SDK1: variants seen among roughly 807,000 people sequenced by gnomAD.
SDK1 encodes the protein protein sidekick-1.
A neutral mutation model predicts 245.5 loss-of-function variants in SDK1; 157 were observed. The ratio of observed to expected loss-of-function variants is 0.64; its 90% confidence interval spans 0.56 to 0.73. The LOEUF is 0.73. Ranked by LOEUF, SDK1 falls within the 30% of genes least tolerant of loss-of-function variation. The pLI is 0.00. For synonymous variants in SDK1, 1,647 were observed against 1,278.5 expected, an observed-to-expected ratio of 1.29 and a Z score of -6.15; for missense variants, 3,583 against 3,002.3, an observed-to-expected ratio of 1.19 and a Z score of -4.52.
intron 5 of SDK1, among the ~76,000 whole-genome samples, chr7:3,902,459 G>C (rs1379228685): frequency 6.6e-6 from 1 of 152,142 alleles, no homozygotes; most frequent in Non-Finnish European, 1.5e-5. Flanking sequence ...ATTTCCTTCT[G>C]GTTCTTCTTG....
Position 4,268,521 on chromosome 7 carries a change from C to T in SDK1, c.*3137C>T. 1.6e-6 allele frequency: 2 copies of T among 1,224,372 alleles called. No individual in the cohort carries two copies. The highest frequency in any genetic ancestry group is 2.1e-6 in the Non-Finnish European group (2 of 952,382). 75.8% of individuals were successfully genotyped at this position (1,224,372 alleles called of 1,614,324 possible). ...CCCAGGGAGAGGGGACCCAGATGGCCACACACGGAACGCGCCTCCACAGCC... is the reference window on the plus strand; with the variant it reads ...CCCAGGGAGAGGGGACCCAGATGGCTACACACGGAACGCGCCTCCACAGCC... On this transcript the variant is annotated 3_prime_UTR_variant, in exon 45 of 45. Coordinates refer to ENST00000404826, the MANE Select transcript of SDK1 (RefSeq NM_152744.4).
chr7:4,177,404 A>C (rs1313217166), intron 34 of SDK1, among the ~76,000 whole-genome samples: 1 of 152,210 alleles, frequency 6.6e-6, no homozygotes, highest in Non-Finnish European at 1.5e-5. Flanking sequence ...CCTGTCACTT[A>C]GTGCGGAGCT....
At chr7:3,527,254 T>C (rs1223669467) in intron 1 of SDK1, among the ~76,000 whole-genome samples, 1 of 152,194 alleles carries the variant, frequency 6.6e-6, no homozygotes, top group East Asian at 1.9e-4. Flanking sequence ...TAAGATGCCA[T>C]ATACAAATTA....
intron 22 of SDK1, among the ~76,000 whole-genome samples, chr7:4,087,323 T>A (rs1033743570): frequency 6.6e-6 from 1 of 152,208 alleles, no homozygotes; most frequent in African/African-American, 2.4e-5. Context: ...TCATACGCAC[T>A]TTGGTCTATT....
At position 4,267,300 on chromosome 7, in the gene SDK1, TCC is replaced by T. The variant is rs1788528811; in HGVS notation, c.*1918_*1919del. 2.4e-6 allele frequency: 1 copy of T among 421,206 alleles called. No homozygotes were observed. Among genetic ancestry groups the T allele is most frequent in the Non-Finnish European group, 3.0e-6 (1 of 329,712 alleles). 26.1% of individuals were successfully genotyped at this position (421,206 alleles called of 1,614,324 possible). A position where few individuals can be genotyped will look rare whatever the true frequency, so the allele number is the denominator to read the frequency against. ...TTCCTCTCTTTCCTCCTTCCTTCCC[TCC>T]CTTCTTTCCCTCCCTCCCTTCCTCT... is the stretch of plus-strand genomic sequence containing the variant. On this transcript the variant is annotated 3_prime_UTR_variant, in exon 45 of 45. Transcript: ENST00000404826.
chr7:4,148,942 G>C (rs868128172), intron 29 of SDK1, among the ~76,000 whole-genome samples: 1 of 152,218 alleles, frequency 6.6e-6, no homozygotes, highest in Non-Finnish European at 1.5e-5. Context: ...TGTAGTCCCA[G>C]CTACTCAGGA....
chr7:3,388,450 G>C (rs1028794603), intron 1 of SDK1, among the ~76,000 whole-genome samples: 2 of 151,504 alleles, frequency 1.3e-5, no homozygotes, highest in Non-Finnish European at 2.9e-5. Context: ...GCCCAGACTT[G>C]AGTGCAGTGG....
chr7:3,621,480 T>G (rs1781936379), intron 2 of SDK1, among the ~76,000 whole-genome samples: 1 of 152,228 alleles, frequency 6.6e-6, no homozygotes, highest in Non-Finnish European at 1.5e-5. Context: ...TTGTTCTTCC[T>G]AATAAGAAGT....
chr7:3,959,052 T>G (rs1285416629), intron 8 of SDK1, 38 bp downstream of exon 8: 1 of 1,495,900 alleles, frequency 6.7e-7, no homozygotes, highest in Non-Finnish European at 9.3e-7. Context: ...GAGCCATGAC[T>G]GGGAGGAAGG....
chr7:4,174,879 C>T (rs1324968134), intron 33 of SDK1, among the ~76,000 whole-genome samples: 1 of 152,208 alleles, frequency 6.6e-6, no homozygotes, highest in Non-Finnish European at 1.5e-5. Flanking sequence ...GGACGGCTGC[C>T]CTGCCCGTTC....
chr7:3,983,355 A>G (rs1199785241), intron 13 of SDK1, among the ~76,000 whole-genome samples: 3 of 152,144 alleles, frequency 2.0e-5, no homozygotes, highest in Admixed American at 2.0e-4. Context: ...GTTTGAAGAA[A>G]TTGCCACAGT....
At chr7:4,203,976 C>T (rs761687600) in intron 35 of SDK1, among the ~76,000 whole-genome samples, 1 of 152,216 alleles carries the variant, frequency 6.6e-6, no homozygotes, top group Admixed American at 6.5e-5. Flanking sequence ...GGCATGCGGG[C>T]CCCTAATTTA....
At chr7:4,184,828 C>T (rs532781368) in intron 35 of SDK1, among the ~76,000 whole-genome samples, 25 of 152,188 alleles carry the variant, frequency 1.6e-4, no homozygotes, top group Non-Finnish European at 3.2e-4. Flanking sequence ...CCTGGGACAG[C>T]TTCAGGCATG....
intron 5 of SDK1, among the ~76,000 whole-genome samples, chr7:3,861,017 C>T (rs2115117478): frequency 6.6e-6 from 1 of 152,236 alleles, no homozygotes; most frequent in Middle Eastern, 3.4e-3. Flanking sequence ...AGTAAACTGT[C>T]TATATTTTGT....
intron 4 of SDK1, among the ~76,000 whole-genome samples, chr7:3,684,154 G>A (rs930201): frequency 1.3e-5 from 2 of 152,104 alleles, no homozygotes; most frequent in Non-Finnish European, 2.9e-5. Flanking sequence ...CCTGCAACCC[G>A]TGCAGTCTCA....
intron 4 of SDK1, among the ~76,000 whole-genome samples, chr7:3,666,221 G>A (rs921823462): frequency 1.3e-5 from 2 of 152,138 alleles, no homozygotes; most frequent in Non-Finnish European, 2.9e-5. Context: ...TTCGAGCACT[G>A]GTCCTCCTGG....
At chr7:3,958,311 G>T in intron 7 of SDK1, 1 of 275,908 alleles carries the variant, frequency 3.6e-6, no homozygotes, top group South Asian at 3.3e-5. Flanking sequence ...GAAATTCATT[G>T]TTTAATACAA....
At position 3,605,365 on chromosome 7, in the gene SDK1, G is replaced by A. The variant is rs545639544; in HGVS notation, c.299-13715G>A. 5.9e-4 allele frequency among the ~76,000 whole-genome samples: 90 copies of A among 152,278 alleles called. 2 individuals are homozygous for A. The South Asian group carries it at 0.018, about 31-fold the overall frequency. ...TTGTTTTATGGTTTGAAGAAATAAT[G>A]TTTCACTTAAGGAAAAATATTCTCA... On this transcript the variant is annotated intron_variant, in intron 1 of 44. Coordinates refer to ENST00000404826, the MANE Select transcript of SDK1 (RefSeq NM_152744.4).
chr7:3,546,248 A>G (rs764269073), intron 1 of SDK1, among the ~76,000 whole-genome samples: 1 of 152,128 alleles, frequency 6.6e-6, no homozygotes, highest in Non-Finnish European at 1.5e-5. Context: ...GTAACGAACA[A>G]TGATGTACAG....
Sources: allele counts gnomAD v4.1 joint callset (sites outside exome capture counted in the v4.1 genomes callset), GRCh38; gene constraint gnomAD v4.1.1; transcripts MANE v1.5; gene names NCBI Gene and HGNC (gene_info 2026-07-23, HGNC 2026-07-21).